Variants in PARN observed in about 807,000 individuals in gnomAD.
PARN encodes the protein poly(A)-specific ribonuclease PARN.
Under a neutral mutation model 102.8 loss-of-function variants are expected in PARN, and 71 were observed. The observed-to-expected ratio is 0.69, with a 90% CI of 0.57 to 0.84. The LOEUF (loss-of-function observed/expected upper bound fraction) is 0.84. Ranked by LOEUF, PARN falls within the 40% of genes least tolerant of loss-of-function variation. The probability of loss-of-function intolerance (pLI) is 0.00; values close to 1 mark genes in which losing one functional copy is unlikely to be tolerated. For synonymous variants in PARN, 261 were observed against 252.9 expected, an observed-to-expected ratio of 1.03 and a Z score of -0.30; for missense variants, 782 against 760.9, an observed-to-expected ratio of 1.03 and a Z score of -0.33.
At chr16:14,494,519 G>T (rs1596510898) in intron 21 of PARN, among the ~76,000 whole-genome samples, 1 of 152,296 alleles carries the variant, frequency 6.6e-6, no homozygotes, top group Admixed American at 6.5e-5. Context: ...CTGGAGGTGG[G>T]GAACTGTGAT....
intron 22 of PARN, among the ~76,000 whole-genome samples, chr16:14,480,340 G>T (rs1397699605): frequency 2.0e-5 from 3 of 151,872 alleles, no homozygotes; most frequent in South Asian, 4.2e-4. Flanking sequence ...AAGAAAAGAA[G>T]AACAAATCAA....
intron 8 of PARN, 55 bp from the exon 9 acceptor site, chr16:14,608,374 C>A (rs1465540148): frequency 9.1e-7 from 1 of 1,094,606 alleles, no homozygotes; most frequent in African/African-American, 1.6e-5. Context: ...TAAATCCAAA[C>A]TGATCAAGCA....
At chr16:14,492,291 C>G (rs1482506460) in intron 21 of PARN, among the ~76,000 whole-genome samples, 1 of 152,136 alleles carries the variant, frequency 6.6e-6, no homozygotes, top group Non-Finnish European at 1.5e-5. Context: ...CATGGCAGCG[C>G]CTGACCCATG....
intron 22 of PARN, among the ~76,000 whole-genome samples, chr16:14,471,217 C>T (rs539336209): frequency 1.3e-5 from 2 of 152,288 alleles, no homozygotes; most frequent in East Asian, 1.9e-4. Flanking sequence ...CATCCATTTG[C>T]CAGATGTGTT....
chr16:14,440,973 G>C (rs1247652144), intron 23 of PARN, among the ~76,000 whole-genome samples: 1 of 152,074 alleles, frequency 6.6e-6, no homozygotes, highest in Non-Finnish European at 1.5e-5. Flanking sequence ...TCATCAAATT[G>C]TATACCTGAA....
intron 7 of PARN, among the ~76,000 whole-genome samples, chr16:14,610,048 T>TA (rs890285714): frequency 1.7e-4 from 26 of 151,800 alleles, no homozygotes; most frequent in Middle Eastern, 6.9e-3. Flanking sequence ...CCGTCTCTAT[T>TA]AAAAAAAATA....
At chr16:14,613,249 C>T (rs141536263) in intron 6 of PARN, among the ~76,000 whole-genome samples, 15 of 145,530 alleles carry the variant, frequency 1.0e-4, no homozygotes, top group Non-Finnish European at 1.8e-4. Flanking sequence ...GCAGAGGTTG[C>T]GGTGAGTCAA....
chr16:14,447,133 A>G, intron 22 of PARN, 52 bp from the exon 23 acceptor site: 1 of 1,250,934 alleles, frequency 8.0e-7, no homozygotes, highest in Non-Finnish European at 1.1e-6. Context: ...TTACAGGAAG[A>G]CTAGTCTATA....
At chr16:14,490,744 T>G (rs1206698135) in intron 21 of PARN, among the ~76,000 whole-genome samples, 1 of 152,200 alleles carries the variant, frequency 6.6e-6, no homozygotes, top group Non-Finnish European at 1.5e-5. Context: ...AAGGTTGCTT[T>G]GTGTTTGTTT....
At chr16:14,589,325 A>G (rs1970032849) in intron 13 of PARN, among the ~76,000 whole-genome samples, 1 of 151,924 alleles carries the variant, frequency 6.6e-6, no homozygotes, top group Non-Finnish European at 1.5e-5. Context: ...ACTTTGGGAG[A>G]CTGAGGTGGG....
chr16:14,582,726 C>A (rs1313388118), intron 16 of PARN, among the ~76,000 whole-genome samples: 2 of 152,042 alleles, frequency 1.3e-5, no homozygotes, highest in Admixed American at 1.3e-4. Context: ...ACACTGAGTT[C>A]GAATCTCTGC....
At chr16:14,498,935 T>C (rs376793930) in intron 21 of PARN, among the ~76,000 whole-genome samples, 2 of 152,266 alleles carry the variant, frequency 1.3e-5, no homozygotes, top group African/African-American at 4.8e-5. Context: ...GTCTAGACCC[T>C]ACACGCTGAA....
chr16:14,606,221 G>A (rs901429410), intron 10 of PARN, among the ~76,000 whole-genome samples: 24 of 152,112 alleles, frequency 1.6e-4, no homozygotes, highest in Admixed American at 6.6e-4. Context: ...GCAACAGGGC[G>A]AAACCCTGTC....
chr16:14,607,964 G>C (rs1971298799), intron 9 of PARN: 1 of 294,606 alleles, frequency 3.4e-6, no homozygotes, highest in East Asian at 7.4e-5. Flanking sequence ...TTTACCAAAA[G>C]CATTCATCTG....
At chr16:14,583,587 T>C (rs1969658141) in intron 16 of PARN, among the ~76,000 whole-genome samples, 1 of 152,216 alleles carries the variant, frequency 6.6e-6, no homozygotes, top group Non-Finnish European at 1.5e-5. Context: ...CACCACCACT[T>C]TTCTTAATTC....
At position 14,449,551 on chromosome 16, in the gene PARN, G is replaced by A. The variant is rs116259846; in HGVS notation, c.1671-2470C>T. 9.1e-3 allele frequency among the ~76,000 whole-genome samples: 1,393 copies of A among 152,270 alleles called. 24 individuals are homozygous for A. The highest frequency in any genetic ancestry group is 0.031 in the African/African-American group (1,286 of 41,552). ...CATCTTTTGCAGGGCAATAAATAACGTGAGCCAAGACAAATGACAAACCAC... is the reference window on the plus strand; with the variant it reads ...CATCTTTTGCAGGGCAATAAATAACATGAGCCAAGACAAATGACAAACCAC... On this transcript the variant is annotated intron_variant, in intron 22 of 23. Transcript: ENST00000437198.
At chr16:14,472,099 T>C (rs1369264356) in intron 22 of PARN, among the ~76,000 whole-genome samples, 3 of 152,204 alleles carry the variant, frequency 2.0e-5, no homozygotes, top group Admixed American at 6.5e-5. Flanking sequence ...ACTACATTCA[T>C]TCGTCTTTCC....
intron 21 of PARN, among the ~76,000 whole-genome samples, chr16:14,503,480 A>C (rs911808432): frequency 6.6e-6 from 1 of 152,242 alleles, no homozygotes; most frequent in African/African-American, 2.4e-5. Context: ...GAAGGTGTTC[A>C]AATAAATTTC....
chr16:14,592,017 A>G (rs1970225742), intron 13 of PARN: 1 of 152,186 alleles, frequency 6.6e-6, no homozygotes, highest in Non-Finnish European at 1.5e-5. Flanking sequence ...CAGCCTGGTG[A>G]AAGAGTGAGA....
Sources: gnomAD v4.1 joint callset for allele counts (sites outside exome capture counted in the v4.1 genomes callset) on GRCh38, gnomAD v4.1.1 for gene constraint, MANE v1.5 for transcripts, NCBI Gene and HGNC (gene_info 2026-07-23, HGNC 2026-07-21) for gene names.